The following MYO6 variants were observed in gnomAD, a reference collection of about 807,000 sequenced individuals.
MYO6 encodes the protein unconventional myosin-VI.
A neutral mutation model predicts 178.7 loss-of-function variants in MYO6; 74 were observed. The observed-to-expected ratio is 0.41, with a 90% CI of 0.34 to 0.50. MYO6 has a LOEUF of 0.50. Ranked by LOEUF, MYO6 falls within the 20% of genes least tolerant of loss-of-function variation. The pLI is 0.09. For synonymous variants in MYO6, 477 were observed against 504.6 expected, an observed-to-expected ratio of 0.95 and a Z score of 0.73; for missense variants, 1,330 against 1,547.4, an observed-to-expected ratio of 0.86 and a Z score of 2.36.
intron 14 of MYO6, among the ~76,000 whole-genome samples, chr6:75,860,653 T>C (rs1353919394): frequency 6.6e-6 from 1 of 152,222 alleles, no homozygotes; most frequent in Non-Finnish European, 1.5e-5. Flanking sequence ...TTAAGTTCAT[T>C]GCATAGTTTA....
At chr6:75,878,149 T>A (rs1401074890) in intron 20 of MYO6, among the ~76,000 whole-genome samples, 1 of 152,198 alleles carries the variant, frequency 6.6e-6, no homozygotes, top group African/African-American at 2.4e-5. Flanking sequence ...TAGTACAGAA[T>A]AATATAAGTA....
chr6:75,792,181 T>C (rs1378615139), intron 1 of MYO6, among the ~76,000 whole-genome samples: 2 of 152,234 alleles, frequency 1.3e-5, no homozygotes, highest in South Asian at 2.1e-4. Context: ...GAAAAATTGG[T>C]TCATCAGTCG....
At chr6:75,850,366 A>G (rs1479966725) in intron 11 of MYO6, among the ~76,000 whole-genome samples, 2 of 152,216 alleles carry the variant, frequency 1.3e-5, no homozygotes, top group African/African-American at 4.8e-5. Flanking sequence ...CATAAATATA[A>G]TGAGGTAGGG....
chr6:75,879,220 C>T (rs1484778553), intron 20 of MYO6, among the ~76,000 whole-genome samples: 1 of 152,006 alleles, frequency 6.6e-6, no homozygotes, highest in African/African-American at 2.4e-5. Context: ...AAAAAAGATA[C>T]AAACTAGACT....
chr6:75,862,484 A>G, intron 15 of MYO6, 112 bp from the exon 16 acceptor site: 8 of 947,628 alleles, frequency 8.4e-6, no homozygotes, highest in Non-Finnish European at 1.2e-5. Flanking sequence ...ATAGAATCAC[A>G]TGCTATGTTG....
chr6:75,802,766 C>A (rs1769617397), intron 1 of MYO6, among the ~76,000 whole-genome samples: 1 of 152,102 alleles, frequency 6.6e-6, no homozygotes. Context: ...GGATTACAGG[C>A]ATGAGCCACT....
chr6:75,881,882 T>C, intron 23 of MYO6, 64 bp downstream of exon 23: 1 of 1,591,520 alleles, frequency 6.3e-7, no homozygotes, highest in Non-Finnish European at 8.6e-7. Flanking sequence ...TGGAGTGTTG[T>C]AAAGCTGTCT....
intron 32 of MYO6, among the ~76,000 whole-genome samples, chr6:75,910,273 C>T (rs1163740585): frequency 6.6e-6 from 1 of 152,140 alleles, no homozygotes; most frequent in African/African-American, 2.4e-5. Flanking sequence ...CTAACTTTAG[C>T]TTGACAGACT....
intron 1 of MYO6, among the ~76,000 whole-genome samples, chr6:75,776,028 C>T (rs1211147677): frequency 6.6e-6 from 1 of 152,046 alleles, no homozygotes; most frequent in Non-Finnish European, 1.5e-5. Context: ...GGTCCTTGTC[C>T]TTCACTGCTC....
At chr6:75,909,189 C>T (rs1780576742) in intron 32 of MYO6, among the ~76,000 whole-genome samples, 1 of 152,160 alleles carries the variant, frequency 6.6e-6, no homozygotes, top group Admixed American at 6.5e-5. Context: ...TGCTCCCACC[C>T]CTTTTTCTAA....
At chr6:75,855,722 CTTAACCAAGATT>C (rs1273947928) in intron 12 of MYO6, among the ~76,000 whole-genome samples, 2 of 152,218 alleles carry the variant, frequency 1.3e-5, no homozygotes, top group East Asian at 3.9e-4. Context: ...GAAATAAGGG[CTTAACCAAGATT>C]TTAAAAATCA....
intron 25 of MYO6, among the ~76,000 whole-genome samples, 194 bp downstream of exon 25, chr6:75,887,188 TAAAG>T (rs530353179): frequency 4.6e-5 from 7 of 152,196 alleles, no homozygotes; most frequent in Non-Finnish European, 8.8e-5. Flanking sequence ...AGCAAAAAGT[TAAAG>T]AAGACAATTT....
intron 30 of MYO6, among the ~76,000 whole-genome samples, chr6:75,901,683 G>A (rs1779788655): frequency 6.6e-6 from 1 of 152,154 alleles, no homozygotes; most frequent in African/African-American, 2.4e-5. Flanking sequence ...GGGACAATTT[G>A]ACTTCCTCTT....
intron 1 of MYO6, among the ~76,000 whole-genome samples, chr6:75,794,061 G>C (rs1768526333): frequency 6.6e-6 from 1 of 152,162 alleles, no homozygotes; most frequent in Non-Finnish European, 1.5e-5. Flanking sequence ...GTAAAAATGT[G>C]ACTGTAGAAA....
Position 75,917,113 on chromosome 6 carries a change from A to C in MYO6, c.*2101A>C, listed in dbSNP as rs76000982. 1.3e-5 allele frequency: 2 copies of C among 152,694 alleles called. No homozygotes were observed. The highest frequency in any genetic ancestry group is 2.9e-5 in the Non-Finnish European group (2 of 68,036). The allele number at this position is 152,694 out of a possible 1,614,324, so 9.5% of individuals were successfully genotyped here. ...TGCTGGAGAAACTTAGGACCCTGTC[A>C]GCCTTTTAAAGGAAACAGCAGGAGT... On this transcript the variant is annotated 3_prime_UTR_variant, in exon 35 of 35. Coordinates refer to ENST00000369977, the MANE Select transcript of MYO6 (RefSeq NM_004999.4).
At position 75,850,991 on chromosome 6, in the gene MYO6, G is replaced by A. The variant is rs1022965752; in HGVS notation, c.1078+2460G>A. Among the ~76,000 whole-genome samples the A allele has an allele frequency of 7.9e-5, 12 of 151,760 alleles. No individual in the cohort carries two copies. In the South Asian group the frequency reaches 8.3e-4, roughly 11 times the overall value. ...GGATTGGAAAATTTGTTTTGAAAAT[G>A]TAATGAATGTTAGCATACATTTCAT... On this transcript the variant is annotated intron_variant, in intron 11 of 34. Transcript: ENST00000369977.
intron 1 of MYO6, among the ~76,000 whole-genome samples, chr6:75,777,382 T>C (rs1766493344): frequency 6.6e-6 from 1 of 152,124 alleles, no homozygotes; most frequent in Non-Finnish European, 1.5e-5. Flanking sequence ...AAAAGATTTT[T>C]TTAAAAAGTT....
chr6:75,832,735 T>C (rs1341721321), intron 5 of MYO6, 107 bp from the exon 6 acceptor site: 15 of 692,776 alleles, frequency 2.2e-5, no homozygotes, highest in Non-Finnish European at 3.3e-5. Flanking sequence ...TAACATTGAA[T>C]AGACATTTAT....
At chr6:75,762,186 C>T (rs1293779303) in intron 1 of MYO6, among the ~76,000 whole-genome samples, 2 of 152,162 alleles carry the variant, frequency 1.3e-5, no homozygotes, top group Non-Finnish European at 2.9e-5. Context: ...CCGCCTGCCT[C>T]GGCCTCCCAT....
Sources: allele counts gnomAD v4.1 joint callset (sites outside exome capture counted in the v4.1 genomes callset), GRCh38; gene constraint gnomAD v4.1.1; transcripts MANE v1.5; gene names NCBI Gene and HGNC (gene_info 2026-07-23, HGNC 2026-07-21).